Variants in BEND3 observed in about 807,000 individuals in gnomAD.
BEND3 encodes BEN domain-containing protein 3.
A neutral mutation model predicts 60.1 loss-of-function variants in BEND3; 13 were observed. The ratio of observed to expected loss-of-function variants is 0.22; its 90% CI spans 0.14 to 0.34. The LOEUF (loss-of-function observed/expected upper bound fraction) is 0.34, where lower values mean the gene tolerates loss of function less well. Ranked by LOEUF, BEND3 falls within the 10% of genes least tolerant of loss-of-function variation. BEND3 has a pLI of 1.00. For missense variants in BEND3, 896 were observed against 1,138.1 expected (o/e 0.79, Z 3.06); for synonymous variants, 497 against 491.5 (o/e 1.01, Z -0.15).
chr6:107,112,194 G>A (rs1770119256), intron 1 of BEND3, among the ~76,000 whole-genome samples: 1 of 152,116 alleles, frequency 6.6e-6, no homozygotes, highest in South Asian at 2.1e-4. Context: ...TTGTTTCCAG[G>A]GACTTTCTAG....
chr6:107,079,983 G>C (rs984622320), intron 3 of BEND3, among the ~76,000 whole-genome samples: 6 of 151,320 alleles, frequency 4.0e-5, no homozygotes, highest in African/African-American at 1.5e-4. Context: ...CTCCCGCCTC[G>C]GCCTCCCAAA....
At chr6:107,100,763 G>A (rs1775686685) in intron 1 of BEND3, among the ~76,000 whole-genome samples, 1 of 152,166 alleles carries the variant, frequency 6.6e-6, no homozygotes, top group Non-Finnish European at 1.5e-5. Context: ...AGATACAAAG[G>A]TAGTAACATT....
intron 3 of BEND3, among the ~76,000 whole-genome samples, chr6:107,097,790 C>CAAAAA (rs10674719): frequency 2.3e-4 from 12 of 53,276 alleles, no homozygotes; most frequent in Admixed American, 6.0e-4. Flanking sequence ...AACTCCGTCT[C>CAAAAA]AAAAAAAAAA....
At chr6:107,074,918 A>C (rs311234) in intron 3 of BEND3, among the ~76,000 whole-genome samples, 2 of 151,864 alleles carry the variant, frequency 1.3e-5, no homozygotes, top group African/African-American at 4.8e-5. Flanking sequence ...TGGCTAACGC[A>C]GTGAAACTCC....
chr6:107,081,355 G>C (rs1267453800), intron 3 of BEND3, among the ~76,000 whole-genome samples: 1 of 151,650 alleles, frequency 6.6e-6, no homozygotes, highest in South Asian at 2.1e-4. Context: ...CGAGTAACTG[G>C]GATTACAGAC....
At chr6:107,098,511 T>A in intron 3 of BEND3, 40 bp downstream of exon 3, 1 of 1,595,948 alleles carries the variant, frequency 6.3e-7, no homozygotes. Flanking sequence ...TCAGAGAGGG[T>A]TAGAGCCCAA....
chr6:107,110,672 C>T (rs958837152), intron 1 of BEND3, among the ~76,000 whole-genome samples: 7 of 152,090 alleles, frequency 4.6e-5, no homozygotes, highest in Non-Finnish European at 5.9e-5. Flanking sequence ...GCGATTCTCC[C>T]GCTTCAGCCT....
intron 1 of BEND3, among the ~76,000 whole-genome samples, chr6:107,102,320 A>T (rs1665908): frequency 0.37 from 56,264 of 151,614 alleles, 10,947 homozygotes; most frequent in African/African-American, 0.48. Context: ...CTATTTTCTG[A>T]TTTTTTATTT....
chr6:107,109,644 C>T (rs968723954), intron 1 of BEND3, among the ~76,000 whole-genome samples: 2 of 151,648 alleles, frequency 1.3e-5, no homozygotes, highest in Non-Finnish European at 2.9e-5. Flanking sequence ...GAGGCTGAGG[C>T]GGACGGATCA....
chr6:107,084,667 C>T lies in BEND3; in HGVS notation c.241-13717G>A, dbSNP rs186457612. On this transcript the variant is annotated intron_variant, in intron 3 of 3. Coordinates refer to ENST00000369042, the MANE Select transcript of BEND3 (RefSeq NM_001367314.1). ...GACTGTACACGCACCAATCAGCACT[C>T]TGTAAAACTGCACCAATCAGCACTC... is the stretch of plus-strand genomic sequence containing the variant. Among the ~76,000 whole-genome samples, 8 of 152,010 alleles carry T rather than the reference C, an allele frequency of 5.3e-5. No homozygotes were observed. In the East Asian group the frequency reaches 1.6e-3, roughly 29 times the overall value.
At chr6:107,073,998 T>C (rs1582642719) in intron 3 of BEND3, among the ~76,000 whole-genome samples, 1 of 152,240 alleles carries the variant, frequency 6.6e-6, no homozygotes, top group South Asian at 2.1e-4. Context: ...GTTTGTGACC[T>C]TGTAAGCCTC....
At position 107,098,653 on chromosome 6, in the gene BEND3, G is replaced by A. The variant is rs782816465; in HGVS notation, c.138C>T (p.Ser46=). Residue 46 remains serine (S), a synonymous_variant, in exon 3 of 4, where the codon AGC becomes AGT. Transcript: ENST00000369042. ...SRTSEKHSVD[S]VLTALQDSSK... The stretch of plus-strand genomic sequence containing the variant: ...TGGAGTCCTGCAGGGCAGTGAGGAC[G>A]CTGTCCACAGAGTGCTTCTCAGAAG... 2.5e-5 allele frequency: 41 copies of A among 1,613,772 alleles called. No homozygotes were observed. The highest frequency in any genetic ancestry group is 5.0e-5 in the Admixed American group (3 of 60,002).
chr6:107,088,625 T>C (rs1227743253), intron 3 of BEND3, among the ~76,000 whole-genome samples: 1 of 152,138 alleles, frequency 6.6e-6, no homozygotes. Flanking sequence ...ACACTTTACC[T>C]ATAGAGGAGC....
rs1261601069 is a variant in BEND3, at chr6:107,070,948, A to T, written c.243T>A (p.Ala81=). 1 of 1,601,922 alleles carries T rather than the reference A, an allele frequency of 6.2e-7. No individual in the cohort carries two copies. The highest frequency in any genetic ancestry group is 2.2e-5 in the East Asian group (1 of 44,716). Residue 81 remains alanine, a splice_region_variant and synonymous_variant, in exon 4 of 4, where the codon GCT becomes GCA. Transcript: ENST00000369042. The surrounding 1 kb of genome is among the most constrained non-coding windows in gnomAD (Gnocchi z 6.9). The part of the protein sequence containing the change: ...GVKRRRLIPE[A]LLAGMRNREN... ...CACGGTTCCGCATGCCTGCTAGGAG[A>T]GCCTGCAAAACAAAAATCATTTCCC...
In BEND3 at chr6:107,069,189, T is replaced by G; in HGVS notation, c.2002A>C (p.Arg668=). 1 of 1,612,526 alleles carries G rather than the reference T, an allele frequency of 6.2e-7. No individual in the cohort carries two copies. The highest frequency in any genetic ancestry group is 8.5e-7 in the Non-Finnish European group (1 of 1,180,012). The change falls in exon 4 of 4, where the codon AGA becomes CGA. Residue 668 remains arginine (R), a synonymous_variant. Transcript: ENST00000369042. ...TTGATTGCATAGCTGGTCAAGTCTCTGCACTCAGGGCCCGGCACGTGGACC... is the reference window on the plus strand; with the variant it reads ...TTGATTGCATAGCTGGTCAAGTCTCGGCACTCAGGGCCCGGCACGTGGACC... The part of the protein sequence containing the change: ...RKVHVPGPEC[R]DLTSYAINPE...
At chr6:107,109,857 AG>A (rs1256224194) in intron 1 of BEND3, among the ~76,000 whole-genome samples, 11 of 151,788 alleles carry the variant, frequency 7.2e-5, no homozygotes, top group Non-Finnish European at 1.0e-4. Context: ...CTGGGCAACA[AG>A]GGCAAAACTC....
intron 1 of BEND3, among the ~76,000 whole-genome samples, chr6:107,107,527 A>G (rs569745398): frequency 1.3e-5 from 2 of 152,056 alleles, no homozygotes; most frequent in East Asian, 1.9e-4. Flanking sequence ...CAGTGGCACA[A>G]TCTTGGCTCA....
intron 3 of BEND3, among the ~76,000 whole-genome samples, chr6:107,096,621 C>G (rs1430815223): frequency 1.3e-5 from 2 of 152,036 alleles, no homozygotes; most frequent in Non-Finnish European, 2.9e-5. Flanking sequence ...ATCCATCAAT[C>G]AATCAATCAA....
intron 1 of BEND3, among the ~76,000 whole-genome samples, chr6:107,113,451 A>C (rs397839658): frequency 3.3e-5 from 2 of 61,498 alleles, no homozygotes; most frequent in Non-Finnish European, 7.7e-5. Context: ...AAAAAAAAAA[A>C]AACAAAAAAA....
Sources: allele counts gnomAD v4.1 joint callset (sites outside exome capture counted in the v4.1 genomes callset), GRCh38; gene constraint gnomAD v4.1.1; non-coding constraint Gnocchi (gnomAD v3.1); transcripts MANE v1.5; gene names NCBI Gene and HGNC (gene_info 2026-07-23, HGNC 2026-07-21).